The following FRMD4A variants were observed in gnomAD, a reference collection of about 807,000 sequenced individuals.
The protein encoded by FRMD4A is FERM domain containing 4A, also known as FERM domain-containing protein 4A.
A neutral mutation model predicts 129.1 loss-of-function variants in FRMD4A; 29 were observed. That is an observed-to-expected ratio of 0.22 (90% CI 0.17 to 0.31). FRMD4A has a LOEUF of 0.31. Ranked by LOEUF, FRMD4A falls within the 10% of genes least tolerant of loss-of-function variation. The pLI is 1.00. For synonymous variants in FRMD4A, 634 were observed against 571.6 expected (o/e 1.11, Z -1.56); for missense variants, 1,272 against 1,375.8 (o/e 0.92, Z 1.19).
intron 2 of FRMD4A, among the ~76,000 whole-genome samples, chr10:14,126,618 T>C (rs1326044327): frequency 1.3e-5 from 2 of 152,326 alleles, no homozygotes; most frequent in East Asian, 1.9e-4. Context: ...CCCATCTGCA[T>C]AGAATACGTC....
At chr10:13,872,366 G>T (rs546372186) in intron 2 of FRMD4A, among the ~76,000 whole-genome samples, 1 of 152,252 alleles carries the variant, frequency 6.6e-6, no homozygotes, top group African/African-American at 2.4e-5. Context: ...ACTTCGTTCA[G>T]ACAGGACGCT....
chr10:13,936,913 T>C (rs1476919293), intron 2 of FRMD4A, among the ~76,000 whole-genome samples: 1 of 152,200 alleles, frequency 6.6e-6, no homozygotes, highest in Non-Finnish European at 1.5e-5. Flanking sequence ...ACTAAGCTTT[T>C]CCCCTTAAAT....
At chr10:14,159,468 G>C (rs1301930526) in intron 2 of FRMD4A, among the ~76,000 whole-genome samples, 2 of 152,114 alleles carry the variant, frequency 1.3e-5, no homozygotes, top group East Asian at 3.8e-4. Context: ...AGAAACTGAA[G>C]AAGACAGAAG....
intron 2 of FRMD4A, among the ~76,000 whole-genome samples, chr10:14,041,504 A>G (rs1163979451): frequency 6.6e-6 from 1 of 152,238 alleles, no homozygotes; most frequent in Non-Finnish European, 1.5e-5. Flanking sequence ...TATTTTGTCA[A>G]ACAAGAGTTA....
chr10:14,202,572 TG>T (rs1209060921), intron 2 of FRMD4A, among the ~76,000 whole-genome samples: 1 of 152,044 alleles, frequency 6.6e-6, no homozygotes, highest in Non-Finnish European at 1.5e-5. Flanking sequence ...GGCTAATTTT[TG>T]TATTTTTAGT....
chr10:13,956,474 G>A (rs562783679), intron 2 of FRMD4A, among the ~76,000 whole-genome samples: 4 of 152,186 alleles, frequency 2.6e-5, no homozygotes, highest in Non-Finnish European at 5.9e-5. Flanking sequence ...TTTATCTCTA[G>A]AAGAAACTGA....
intron 2 of FRMD4A, among the ~76,000 whole-genome samples, chr10:14,293,652 G>C (rs1845918341): frequency 6.6e-6 from 1 of 150,920 alleles, no homozygotes; most frequent in Non-Finnish European, 1.5e-5. Context: ...CCGTTGACCA[G>C]TGGTTAGAGA....
chr10:13,764,855 G>T (rs1329613828), intron 6 of FRMD4A, among the ~76,000 whole-genome samples: 2 of 152,168 alleles, frequency 1.3e-5, no homozygotes, highest in Non-Finnish European at 2.9e-5. Flanking sequence ...CTTTTACTGA[G>T]AATGGAACCC....
At chr10:14,010,212 A>T (rs1469550808) in intron 2 of FRMD4A, among the ~76,000 whole-genome samples, 1 of 152,152 alleles carries the variant, frequency 6.6e-6, no homozygotes, top group Non-Finnish European at 1.5e-5. Context: ...ATTTATTTAC[A>T]TTTGACTAAA....
intron 2 of FRMD4A, among the ~76,000 whole-genome samples, chr10:13,962,418 G>GT (rs1245402515): frequency 6.6e-6 from 1 of 152,168 alleles, no homozygotes; most frequent in Non-Finnish European, 1.5e-5. Context: ...CATATATATG[G>GT]TTTTTTTAGT....
At chr10:14,164,937 C>T (rs557541751) in intron 2 of FRMD4A, among the ~76,000 whole-genome samples, 98 of 152,138 alleles carry the variant, frequency 6.4e-4, no homozygotes, top group Non-Finnish European at 9.3e-4. Flanking sequence ...TTATGTGTGG[C>T]CCAAGACAAT....
At chr10:13,877,417 A>G (rs1589130867) in intron 2 of FRMD4A, among the ~76,000 whole-genome samples, 1 of 152,072 alleles carries the variant, frequency 6.6e-6, no homozygotes, top group African/African-American at 2.4e-5. Context: ...ATCAGATCAA[A>G]CCTCTAGTGG....
intron 3 of FRMD4A, among the ~76,000 whole-genome samples, chr10:13,832,336 C>T (rs1176404256): frequency 6.6e-6 from 1 of 152,196 alleles, no homozygotes; most frequent in Non-Finnish European, 1.5e-5. Flanking sequence ...ATTCCTTCCT[C>T]CAAACAGACC....
At chr10:13,966,668 T>G (rs947866653) in intron 2 of FRMD4A, among the ~76,000 whole-genome samples, 3 of 152,202 alleles carry the variant, frequency 2.0e-5, no homozygotes, top group Admixed American at 6.5e-5. Flanking sequence ...CTGTGCTGAG[T>G]GGCACATCAC....
At chr10:13,960,818 A>G (rs1181056585) in intron 2 of FRMD4A, among the ~76,000 whole-genome samples, 2 of 152,072 alleles carry the variant, frequency 1.3e-5, no homozygotes, top group African/African-American at 2.4e-5. Flanking sequence ...ACCCATAAAA[A>G]TCTCTCACCA....
chr10:13,905,770 A>C (rs1292847170), intron 2 of FRMD4A, among the ~76,000 whole-genome samples: 3 of 152,240 alleles, frequency 2.0e-5, no homozygotes, highest in African/African-American at 7.2e-5. Flanking sequence ...TTTGTATCCA[A>C]GTCAATTTTT....
chr10:14,207,622 T>C (rs1392841272), intron 2 of FRMD4A, among the ~76,000 whole-genome samples: 32 of 151,902 alleles, frequency 2.1e-4, no homozygotes, highest in Admixed American at 2.0e-3. Flanking sequence ...ACCTCATCAA[T>C]TGCTTAGCAG....
chr10:14,010,999 C>T (rs2095680337), intron 2 of FRMD4A, among the ~76,000 whole-genome samples: 1 of 152,144 alleles, frequency 6.6e-6, no homozygotes, highest in African/African-American at 2.4e-5. Flanking sequence ...GTTTCATTAT[C>T]CCTGTTTCAG....
At chr10:14,266,488 G>A (rs1844982925) in intron 2 of FRMD4A, among the ~76,000 whole-genome samples, 1 of 137,016 alleles carries the variant, frequency 7.3e-6, no homozygotes, top group Non-Finnish European at 1.6e-5. Flanking sequence ...ATCCCTAGTA[G>A]ATGTTGTGCT....
Sources: gnomAD v4.1 joint callset for allele counts (sites outside exome capture counted in the v4.1 genomes callset) on GRCh38, gnomAD v4.1.1 for gene constraint, MANE v1.5 for transcripts, NCBI Gene and HGNC (gene_info 2026-07-23, HGNC 2026-07-21) for gene names.